LYRM4: variants seen among roughly 807,000 people sequenced by gnomAD.
LYRM4 encodes LYR motif-containing protein 4.
In LYRM4, 9 loss-of-function variants were observed where a neutral mutation model predicts 11.7. That is an observed-to-expected ratio of 0.77 (90% CI 0.46 to 1.34). The LOEUF (loss-of-function observed/expected upper bound fraction) is 1.34, where lower values mean the gene tolerates loss of function less well. Ranked by LOEUF, LYRM4 falls within the 40% of genes most tolerant of loss-of-function variation. The pLI is 0.00. For synonymous variants in LYRM4, 42 were observed against 40.4 expected (o/e 1.04, Z -0.15); for missense variants, 133 against 112.5 (o/e 1.18, Z -0.82).
At chr6:5,224,645 A>G (rs1762773431) in intron 1 of LYRM4, among the ~76,000 whole-genome samples, 1 of 152,240 alleles carries the variant, frequency 6.6e-6, no homozygotes, top group Non-Finnish European at 1.5e-5. Flanking sequence ...TACATAAATT[A>G]TGAAATTATA....
Position 5,108,786 on chromosome 6 carries a change from G to T in LYRM4, c.*637C>A. On this transcript the variant is annotated 3_prime_UTR_variant, in exon 3 of 3. Coordinates refer to ENST00000330636, the MANE Select transcript of LYRM4 (RefSeq NM_020408.6). Reference sequence around the variant, plus strand: ...CCAGCAAATTCCCAGGTGGGGCTGAGGTTGCTGATCTGCAGTGCTCCATCT... The same window carrying T: ...CCAGCAAATTCCCAGGTGGGGCTGATGTTGCTGATCTGCAGTGCTCCATCT... 1 of 985,862 alleles carries T rather than the reference G, an allele frequency of 1.0e-6. No homozygotes were observed. The highest frequency in any genetic ancestry group is 1.2e-6 in the Non-Finnish European group (1 of 829,936). The allele number at this position is 985,862 out of a possible 1,614,324, so 61.1% of individuals were successfully genotyped here. A position where few individuals can be genotyped will look rare whatever the true frequency, so the allele number is the denominator to read the frequency against.
At chr6:5,046,656 T>C in the LYRM4 span, among the ~76,000 whole-genome samples, 1 of 152,222 alleles carries the variant, frequency 6.6e-6, no homozygotes, top group African/African-American at 2.4e-5. Flanking sequence ...TTGGTGATTT[T>C]AAAGTAGTTG....
At chr6:5,136,362 G>T (rs946446303) in intron 2 of LYRM4, 2 of 985,250 alleles carry the variant, frequency 2.0e-6, no homozygotes, top group African/African-American at 3.5e-5. Context: ...TTTGACTGGG[G>T]CTGGGTTGAG....
chr6:5,208,122 C>T (rs192338734), intron 2 of LYRM4, among the ~76,000 whole-genome samples: 1 of 152,290 alleles, frequency 6.6e-6, no homozygotes, highest in African/African-American at 2.4e-5. Flanking sequence ...GACACTGAGA[C>T]AACGTATTCA....
At chr6:5,095,999 A>C in the LYRM4 span, among the ~76,000 whole-genome samples, 1 of 152,058 alleles carries the variant, frequency 6.6e-6, no homozygotes, top group South Asian at 2.1e-4. Flanking sequence ...AAAAACAAAA[A>C]ACAAAACAAA....
At chr6:5,240,597 T>G (rs1249021861) in intron 1 of LYRM4, 1 of 152,120 alleles carries the variant, frequency 6.6e-6, no homozygotes, top group Non-Finnish European at 1.5e-5. Flanking sequence ...AGACAAGACA[T>G]CCTGGGCAAA....
At chr6:5,066,223 C>G in the LYRM4 span, 2 of 722,402 alleles carry the variant, frequency 2.8e-6, no homozygotes, top group South Asian at 1.4e-5. Context: ...AGCTACTTGC[C>G]AGATAACACT....
chr6:5,195,757 C>T (rs1761016508), intron 2 of LYRM4, among the ~76,000 whole-genome samples: 2 of 152,150 alleles, frequency 1.3e-5, no homozygotes, highest in Non-Finnish European at 2.9e-5. Context: ...AGAAATGGCT[C>T]CTTCAGGTGC....
the LYRM4 span, among the ~76,000 whole-genome samples, chr6:5,038,946 A>G: frequency 8.9e-5 from 1 of 11,292 alleles, no homozygotes; most frequent in Non-Finnish European, 2.8e-4. Flanking sequence ...TTTAGCTTGT[A>G]TTTTTAAAAT....
chr6:5,068,588 T>G, the LYRM4 span, among the ~76,000 whole-genome samples: 1 of 152,080 alleles, frequency 6.6e-6, no homozygotes, highest in Non-Finnish European at 1.5e-5. This position sits in a 1 kb window ranked among gnomAD's most constrained non-coding sequence, Gnocchi z 4.0. Flanking sequence ...CCCTTCCAAA[T>G]AGCACACCCA....
At chr6:5,164,785 C>T (rs567318103) in intron 2 of LYRM4, among the ~76,000 whole-genome samples, 4 of 152,022 alleles carry the variant, frequency 2.6e-5, no homozygotes, top group Admixed American at 6.6e-5. Context: ...CTGGCCAATA[C>T]GGTGAAACCC....
intron 2 of LYRM4, among the ~76,000 whole-genome samples, chr6:5,130,257 G>T (rs982117983): frequency 6.6e-6 from 1 of 152,310 alleles, no homozygotes. Flanking sequence ...GGAGGCCAAC[G>T]CTGGGATTCT....
intron 2 of LYRM4, among the ~76,000 whole-genome samples, chr6:5,134,554 G>GA (rs1205841439): frequency 6.6e-6 from 1 of 152,160 alleles, no homozygotes; most frequent in Non-Finnish European, 1.5e-5. Context: ...GTTTTAAAAA[G>GA]AATCATCTTT....
intron 2 of LYRM4, among the ~76,000 whole-genome samples, chr6:5,185,316 C>T (rs531217472): frequency 3.8e-4 from 58 of 152,304 alleles, no homozygotes; most frequent in African/African-American, 1.4e-3. Flanking sequence ...CTGGCTAAGC[C>T]AGTGGAAAGA....
intron 2 of LYRM4, among the ~76,000 whole-genome samples, chr6:5,192,020 A>G (rs905476574): frequency 1.3e-5 from 2 of 152,218 alleles, no homozygotes; most frequent in Admixed American, 6.5e-5. Flanking sequence ...AATGCAGGAG[A>G]GCTAATGCAT....
chr6:5,223,301 C>G (rs34148454), intron 1 of LYRM4, among the ~76,000 whole-genome samples: 2 of 152,188 alleles, frequency 1.3e-5, no homozygotes. Flanking sequence ...ATTTCTGATA[C>G]ACATGCCAAG....
intron 2 of LYRM4, among the ~76,000 whole-genome samples, chr6:5,143,451 C>T (rs1043925768): frequency 5.3e-5 from 8 of 152,232 alleles, no homozygotes; most frequent in African/African-American, 1.7e-4. Flanking sequence ...ATACAGACAT[C>T]GGGAGGTTGA....
At chr6:5,252,908 T>G (rs1764500270) in intron 1 of LYRM4, among the ~76,000 whole-genome samples, 1 of 152,082 alleles carries the variant, frequency 6.6e-6, no homozygotes, top group Admixed American at 6.5e-5. Context: ...TCTAGACCTT[T>G]CCTATGTGAG....
chr6:5,103,055 C>T (rs1415961252), downstream of LYRM4: 3 of 152,140 alleles, frequency 2.0e-5, no homozygotes, highest in African/African-American at 7.2e-5. Context: ...TTCCCTGTGG[C>T]ACTAATTAGA....
Sources: gnomAD v4.1 joint callset for allele counts (sites outside exome capture counted in the v4.1 genomes callset) on GRCh38, gnomAD v4.1.1 for gene constraint, Gnocchi (gnomAD v3.1) non-coding constraint, MANE v1.5 for transcripts, NCBI Gene and HGNC (gene_info 2026-07-23, HGNC 2026-07-21) for gene names.